Variants in ADGRL3 observed in about 807,000 individuals in gnomAD.
ADGRL3 encodes the protein calcium-independent alpha-latrotoxin receptor 3.
In ADGRL3, 62 loss-of-function variants were observed where a neutral mutation model predicts 153.5. That is an observed-to-expected ratio of 0.40 (90% CI 0.33 to 0.50). ADGRL3 has a LOEUF of 0.50. Among genes scored for constraint, ADGRL3 ranks in the 20% least tolerant of loss-of-function variants. The pLI, the probability that ADGRL3 is intolerant of heterozygous loss-of-function variation, is 0.47. For missense variants in ADGRL3, 1,641 were observed against 1,859.4 expected, an observed-to-expected ratio of 0.88 and a Z score of 2.16; for synonymous variants, 710 against 672.5, an observed-to-expected ratio of 1.06 and a Z score of -0.86.
At position 61,642,096 on chromosome 4, in the gene ADGRL3, T is replaced by G. The variant is rs1341435434; in HGVS notation, c.474-34730T>G. On this transcript the variant is annotated intron_variant, in intron 5 of 26. Transcript: ENST00000683033. Reference sequence around the variant, plus strand: ...TGCATAAATGTCTTCTTTTGAGAAGTGTCTGTTCATGTCCTTTGCCCACTT... The same window carrying G: ...TGCATAAATGTCTTCTTTTGAGAAGGGTCTGTTCATGTCCTTTGCCCACTT... Among the ~76,000 whole-genome samples, 602 of 148,694 alleles carry G rather than the reference T, an allele frequency of 4.0e-3. 6 individuals are homozygous for G. The highest frequency in any genetic ancestry group is 0.014 in the African/African-American group (573 of 40,314).
rs2096794324 is a variant in ADGRL3, at chr4:61,390,883, A to G, written c.-174+7694A>G. On this transcript the variant is annotated intron_variant, in intron 2 of 26. Transcript: ENST00000683033. ...ACTGGTCTGTTCTCCATTCCTATGT[A>G]TCGTACAATGTGTAGCCTTTTGTGA... Among the ~76,000 whole-genome samples, 5 of 152,124 alleles carry G rather than the reference A, an allele frequency of 3.3e-5. No homozygotes were observed. In the South Asian group the frequency reaches 1.0e-3, roughly 32 times the overall value.
At chr4:61,329,524 CAATTAA>C (rs1454135891) in intron 1 of ADGRL3, among the ~76,000 whole-genome samples, 1 of 151,906 alleles carries the variant, frequency 6.6e-6, no homozygotes, top group Middle Eastern at 3.2e-3. Flanking sequence ...GATAGATGCT[CAATTAA>C]AATATAAAGA....
chr4:61,737,834 C>A (rs752397012), intron 8 of ADGRL3, among the ~76,000 whole-genome samples: 38 of 152,048 alleles, frequency 2.5e-4, no homozygotes, highest in South Asian at 4.1e-4. Context: ...TATTTGTACT[C>A]TAAAAATTGT....
chr4:61,355,242 A>G (rs965227838), intron 1 of ADGRL3, among the ~76,000 whole-genome samples: 11 of 152,096 alleles, frequency 7.2e-5, no homozygotes, highest in African/African-American at 2.7e-4. Context: ...AACAGCTCCC[A>G]CATCTGTTCA....
intron 9 of ADGRL3, among the ~76,000 whole-genome samples, chr4:61,855,990 G>A (rs1299481474): frequency 6.6e-6 from 1 of 152,130 alleles, no homozygotes; most frequent in Admixed American, 6.6e-5. Flanking sequence ...CAGAACAGGT[G>A]AGTCCAGAAC....
chr4:61,789,771 T>G (rs1408405248), intron 8 of ADGRL3, among the ~76,000 whole-genome samples: 3 of 152,168 alleles, frequency 2.0e-5, no homozygotes, highest in African/African-American at 7.2e-5. Context: ...AAAATATGCT[T>G]ATATACTAGA....
At chr4:61,505,481 C>T (rs1369358981) in intron 3 of ADGRL3, among the ~76,000 whole-genome samples, 1 of 151,958 alleles carries the variant, frequency 6.6e-6, no homozygotes, top group Admixed American at 6.6e-5. Flanking sequence ...TACAAAACAG[C>T]AAGGCAATTC....
At chr4:61,853,784 G>C (rs183249983) in intron 9 of ADGRL3, among the ~76,000 whole-genome samples, 183 of 152,242 alleles carry the variant, frequency 1.2e-3, no homozygotes, top group African/African-American at 4.2e-3. Flanking sequence ...TACTTTCCAG[G>C]TTTCCCAGTC....
intron 24 of ADGRL3, among the ~76,000 whole-genome samples, chr4:62,039,299 C>T (rs1158339868): frequency 6.6e-6 from 1 of 152,092 alleles, no homozygotes; most frequent in Non-Finnish European, 1.5e-5. Flanking sequence ...ACCTAGCTAG[C>T]ACTTGAACAC....
chr4:61,655,989 G>A (rs2094432488), intron 5 of ADGRL3, among the ~76,000 whole-genome samples: 1 of 152,128 alleles, frequency 6.6e-6, no homozygotes. Flanking sequence ...TTGAAATTCA[G>A]GATTGGTGGT....
chr4:61,216,328 A>T (rs1190360134), intron 1 of ADGRL3, among the ~76,000 whole-genome samples: 1 of 152,118 alleles, frequency 6.6e-6, no homozygotes, highest in Non-Finnish European at 1.5e-5. Context: ...TTTGTTCCTA[A>T]TAAATGATTT....
chr4:61,770,065 A>G (rs2097064633), intron 8 of ADGRL3, among the ~76,000 whole-genome samples: 1 of 152,234 alleles, frequency 6.6e-6, no homozygotes, highest in Non-Finnish European at 1.5e-5. Flanking sequence ...AGACAGCTTC[A>G]AACAGAGATC....
At chr4:61,837,848 T>C (rs1280202771) in intron 9 of ADGRL3, among the ~76,000 whole-genome samples, 4 of 152,114 alleles carry the variant, frequency 2.6e-5, no homozygotes. Context: ...CTGTTGTCAG[T>C]AAACAGACCT....
chr4:61,214,020 A>G (rs1429727236), intron 1 of ADGRL3, among the ~76,000 whole-genome samples: 1 of 152,182 alleles, frequency 6.6e-6, no homozygotes, highest in African/African-American at 2.4e-5. Flanking sequence ...GTTAACTCTC[A>G]GTTGTGTATT....
At chr4:61,998,139 A>G (rs1406534318) in intron 20 of ADGRL3, 35 bp from the exon 21 acceptor site, 4 of 1,209,472 alleles carry the variant, frequency 3.3e-6, no homozygotes, top group South Asian at 1.5e-5. Flanking sequence ...TTCCTACTCC[A>G]ATTATGCTAC....
intron 2 of ADGRL3, among the ~76,000 whole-genome samples, chr4:61,476,194 A>G (rs1392990532): frequency 6.6e-6 from 1 of 152,152 alleles, no homozygotes; most frequent in Non-Finnish European, 1.5e-5. Context: ...ATTCTTGTGT[A>G]TTAATAGTTT....
chr4:61,603,593 T>A (rs996941216), intron 5 of ADGRL3, among the ~76,000 whole-genome samples: 3 of 152,196 alleles, frequency 2.0e-5, no homozygotes, highest in African/African-American at 7.2e-5. Context: ...TGCTCTTTTA[T>A]GTACGGTCAA....
At chr4:61,737,901 A>G (rs2096537935) in intron 8 of ADGRL3, among the ~76,000 whole-genome samples, 1 of 151,638 alleles carries the variant, frequency 6.6e-6, no homozygotes, top group Non-Finnish European at 1.5e-5. Context: ...CTTTTTTTTT[A>G]GTCTTTTTAT....
rs764031544 is a variant in ADGRL3 at position 62,070,698 on chromosome 4, C to G, written c.4422C>G (p.Thr1474=). 2 of 1,551,258 alleles carry G rather than the reference C, an allele frequency of 1.3e-6. No individual in the cohort carries two copies. The highest frequency in any genetic ancestry group is 1.2e-5 in the South Asian group (1 of 84,038). The change falls in exon 27 of 27, where the codon ACC becomes ACG. Residue 1474 remains threonine, a synonymous_variant. Transcript: ENST00000683033. ...AGAGTGTTACCACCAGCACCCAGACCGAACCCCCACCGGCCAAATGTGGTG... is the reference window on the plus strand; with the variant it reads ...AGAGTGTTACCACCAGCACCCAGACGGAACCCCCACCGGCCAAATGTGGTG... The part of the protein sequence containing the change: ...ATESVTTSTQ[T]EPPPAKCGDA...
Sources: gnomAD v4.1 joint callset for allele counts (sites outside exome capture counted in the v4.1 genomes callset) on GRCh38, gnomAD v4.1.1 for gene constraint, MANE v1.5 for transcripts, NCBI Gene and HGNC (gene_info 2026-07-23, HGNC 2026-07-21) for gene names.